PAX7: variants seen among roughly 807,000 people sequenced by gnomAD.
PAX7 encodes the protein paired box 7.
A neutral mutation model predicts 50.7 loss-of-function variants in PAX7; 18 were observed. The ratio of observed to expected loss-of-function variants is 0.36; its 90% CI spans 0.25 to 0.53. The LOEUF is 0.53. Ranked by LOEUF, PAX7 falls within the 20% of genes least tolerant of loss-of-function variation. PAX7 has a pLI of 0.93. For synonymous variants in PAX7, 310 were observed against 290.4 expected (o/e 1.07, Z -0.69); for missense variants, 644 against 702.9 (o/e 0.92, Z 0.95).
chr1:18,743,656 C>T (rs1229243543), intron 8 of PAX7, among the ~76,000 whole-genome samples: 1 of 152,216 alleles, frequency 6.6e-6, no homozygotes, highest in Non-Finnish European at 1.5e-5. Flanking sequence ...TTGGCCACAC[C>T]CCAGCCAAAT....
chr1:18,662,861 C>A (rs2088619647), intron 4 of PAX7, among the ~76,000 whole-genome samples: 1 of 152,006 alleles, frequency 6.6e-6, no homozygotes, highest in South Asian at 2.1e-4. Context: ...GCATGAGCCA[C>A]CACACCCAGC....
At chr1:18,736,422 G>A (rs922598037) in intron 8 of PAX7, among the ~76,000 whole-genome samples, 5 of 140,364 alleles carry the variant, frequency 3.6e-5, no homozygotes, top group South Asian at 2.2e-4. Context: ...CCGAGATCAC[G>A]CCACTGTACT....
chr1:18,671,782 GC>G (rs1381953206), intron 4 of PAX7, among the ~76,000 whole-genome samples: 14 of 151,212 alleles, frequency 9.3e-5, no homozygotes, highest in African/African-American at 3.4e-4. Flanking sequence ...CCAGGAGCTG[GC>G]ATAGCAAGAC....
chr1:18,718,918 G>A (rs945740609), intron 7 of PAX7, among the ~76,000 whole-genome samples: 1 of 152,114 alleles, frequency 6.6e-6, no homozygotes, highest in Non-Finnish European at 1.5e-5. Context: ...GGGATTACAG[G>A]CATGAGCCAC....
At chr1:18,716,497 G>GTT (rs75458835) in intron 7 of PAX7, among the ~76,000 whole-genome samples, 12 of 52,916 alleles carry the variant, frequency 2.3e-4, no homozygotes, top group African/African-American at 6.5e-4. Context: ...TCTGTTTGTT[G>GTT]TTTTTTGTTT....
intron 8 of PAX7, among the ~76,000 whole-genome samples, chr1:18,742,243 C>T (rs1931188174): frequency 2.0e-5 from 3 of 150,830 alleles, no homozygotes; most frequent in Middle Eastern, 3.2e-3. Context: ...CTGCAAGCTC[C>T]GCCTCCCAGG....
intron 7 of PAX7, among the ~76,000 whole-genome samples, chr1:18,733,061 T>C (rs983339886): frequency 6.6e-6 from 1 of 151,700 alleles, no homozygotes; most frequent in African/African-American, 2.4e-5. Flanking sequence ...TTGTGTTGGG[T>C]GAGAAAGGAG....
chr1:18,661,183 G>T (rs758088903), intron 4 of PAX7, among the ~76,000 whole-genome samples: 1 of 152,098 alleles, frequency 6.6e-6, no homozygotes, highest in Non-Finnish European at 1.5e-5. Context: ...GCCCTCAGAG[G>T]CCCCCTTGCT....
intron 7 of PAX7, among the ~76,000 whole-genome samples, chr1:18,709,280 C>T (rs943834760): frequency 6.6e-6 from 1 of 152,172 alleles, no homozygotes; most frequent in Non-Finnish European, 1.5e-5. Flanking sequence ...GTCTGTCTCC[C>T]CAGCACCGCT....
chr1:18,729,651 G>A (rs966055977), intron 7 of PAX7, among the ~76,000 whole-genome samples: 1 of 152,206 alleles, frequency 6.6e-6, no homozygotes, highest in African/African-American at 2.4e-5. Flanking sequence ...AGAGTGTGGT[G>A]TGGGCTGCCC....
At position 18,735,770 on chromosome 1, in the gene PAX7, C is replaced by T. The variant is rs1243937076; in HGVS notation, c.1294C>T (p.Pro432Ser). ...CAGCCAGCGGGCCGACTCCATCAAG[C>T]CAGGAGACAGCCTGCCCACCTCCCA... Reference protein sequence around the residue: ...SCSQRADSIKPGDSLPTSQAY... With the variant: ...SCSQRADSIKSGDSLPTSQAY... The change falls in exon 8 of 9, where the codon CCA becomes TCA. Residue 432 changes from proline to serine, a missense_variant. By Grantham distance (74) the Pro-to-Ser change is moderately conservative (BLOSUM62 -1). Transcript: ENST00000420770. This position sits in a 1 kb window ranked among gnomAD's most constrained non-coding sequence, Gnocchi z 4.0. 1 of 1,614,170 alleles carries T rather than the reference C, an allele frequency of 6.2e-7. No homozygotes were observed. The highest frequency in any genetic ancestry group is 2.2e-5 in the East Asian group (1 of 44,870).
At chr1:18,738,176 G>T (rs929382281) in intron 8 of PAX7, among the ~76,000 whole-genome samples, 1 of 152,114 alleles carries the variant, frequency 6.6e-6, no homozygotes, top group African/African-American at 2.4e-5. Flanking sequence ...GTACGTGGGG[G>T]TCTGCATGTA....
intron 5 of PAX7, among the ~76,000 whole-genome samples, chr1:18,695,051 G>C (rs2089133668): frequency 6.6e-6 from 1 of 152,224 alleles, no homozygotes; most frequent in Non-Finnish European, 1.5e-5. Context: ...CCTGGCAGAT[G>C]GGTGGGTTAG....
intron 7 of PAX7, among the ~76,000 whole-genome samples, chr1:18,727,771 C>G (rs1248715915): frequency 6.6e-6 from 1 of 151,928 alleles, no homozygotes; most frequent in East Asian, 1.9e-4. Context: ...GGGGCTGGGT[C>G]GGGAGAGGGA....
intron 4 of PAX7, among the ~76,000 whole-genome samples, chr1:18,651,575 G>A (rs1455207778): frequency 6.6e-6 from 1 of 152,146 alleles, no homozygotes; most frequent in African/African-American, 2.4e-5. Context: ...GGAAAGTGGT[G>A]TCACATCTGC....
chr1:18,634,272 T>C lies in PAX7; in HGVS notation c.86-31T>C, dbSNP rs756186332. 6.4e-7 allele frequency: 1 copy of C among 1,572,300 alleles called. No homozygotes were observed. The highest frequency in any genetic ancestry group is 8.7e-7 in the Non-Finnish European group (1 of 1,146,356). On this transcript the variant is annotated intron_variant, in intron 1 of 8. Transcript: ENST00000420770. The surrounding 1 kb of genome is among the most constrained non-coding windows in gnomAD (Gnocchi z 4.0). ...GCTCTCCATCCTCACCCTGCACCTC[T>C]CTCCTTCTGCATCTCCCCTCCCTTC...
At chr1:18,687,491 G>A (rs1033124792) in intron 4 of PAX7, among the ~76,000 whole-genome samples, 1 of 152,156 alleles carries the variant, frequency 6.6e-6, no homozygotes, top group Non-Finnish European at 1.5e-5. Flanking sequence ...CCAAGTGACT[G>A]AACCTCTCTG....
At chr1:18,635,045 A>G (rs2088124190) in intron 2 of PAX7, 66 bp from the exon 3 acceptor site, 1 of 1,582,112 alleles carries the variant, frequency 6.3e-7, no homozygotes, top group African/African-American at 1.3e-5. Flanking sequence ...AAGAGGTGAT[A>G]TTAAAAGTAT....
At position 18,654,031 on chromosome 1, in the gene PAX7, T is replaced by A. The variant is rs112689427; in HGVS notation, c.586+17660T>A. Among the ~76,000 whole-genome samples, 840 of 152,138 alleles carry A rather than the reference T, an allele frequency of 5.5e-3. 10 individuals are homozygous for A. Among genetic ancestry groups the A allele is most frequent in the Middle Eastern group, 0.017 (5 of 294 alleles). ...CAGGAGAGCCTTTCTTTCTCGGGAC[T>A]GCAAATACGCCAAAGATGAACGCCG... is the stretch of plus-strand genomic sequence containing the variant. On this transcript the variant is annotated intron_variant, in intron 4 of 8. Transcript: ENST00000420770.
Sources: allele counts gnomAD v4.1 joint callset (sites outside exome capture counted in the v4.1 genomes callset), GRCh38; gene constraint gnomAD v4.1.1; non-coding constraint Gnocchi (gnomAD v3.1); transcripts MANE v1.5; gene names NCBI Gene and HGNC (gene_info 2026-07-23, HGNC 2026-07-21).